ABL2: variants seen among roughly 807,000 people sequenced by gnomAD.
The protein encoded by ABL2 is ABL proto-oncogene 2, non-receptor tyrosine kinase.
In ABL2, 49 loss-of-function variants were observed where a neutral mutation model predicts 107.7. The observed-to-expected ratio is 0.45, with a 90% CI of 0.36 to 0.58. ABL2 has a LOEUF of 0.58. Among genes scored for constraint, ABL2 ranks in the 20% least tolerant of loss-of-function variants. The pLI is 0.00. For synonymous variants in ABL2, 549 were observed against 548.6 expected (o/e 1.00, Z -0.01); for missense variants, 1,245 against 1,457.0 (o/e 0.85, Z 2.37).
chr1:179,172,266 T>C (rs1376518015), intron 1 of ABL2, among the ~76,000 whole-genome samples: 1 of 152,240 alleles, frequency 6.6e-6, no homozygotes, highest in Non-Finnish European at 1.5e-5. Context: ...CCTCCTTTAC[T>C]GATCTCTTGC....
intron 4 of ABL2, among the ~76,000 whole-genome samples, chr1:179,125,440 T>C (rs1655642538): frequency 6.6e-6 from 1 of 152,234 alleles, no homozygotes; most frequent in Admixed American, 6.5e-5. Context: ...TATACATGTC[T>C]TCTGGCACAC....
chr1:179,126,724 C>A lies in ABL2; in HGVS notation c.392-52G>T. 1 of 1,488,512 alleles carries A rather than the reference C, an allele frequency of 6.7e-7. No homozygotes were observed. The highest frequency in any genetic ancestry group is 9.2e-7 in the Non-Finnish European group (1 of 1,090,650). The allele number at this position is 1,488,512 out of a possible 1,614,324, so 92.2% of individuals were successfully genotyped here. On this transcript the variant is annotated intron_variant, in intron 3 of 11. Coordinates refer to ENST00000502732, the MANE Select transcript of ABL2 (RefSeq NM_007314.4). The surrounding 1 kb of genome is among the most constrained non-coding windows in gnomAD (Gnocchi z 4.4). ...AAGAAACGATGTTAAGACTTTATTTCAACTGAAGCAGTGTACTGTCAAACT... is the reference window on the plus strand; with the variant it reads ...AAGAAACGATGTTAAGACTTTATTTAAACTGAAGCAGTGTACTGTCAAACT...
At chr1:179,210,879 A>T (rs1414505119) in intron 1 of ABL2, among the ~76,000 whole-genome samples, 2 of 151,978 alleles carry the variant, frequency 1.3e-5, no homozygotes, top group Non-Finnish European at 2.9e-5. Flanking sequence ...ATAAATAAAA[A>T]TAAAAATATT....
chr1:179,108,260 T>C lies in ABL2; in HGVS notation c.3007A>G (p.Thr1003Ala), dbSNP rs758701115. ...LQHPSICSDPTEEPTALTAGQ... is the reference protein window; with the variant it reads ...LQHPSICSDPAEEPTALTAGQ... ...GCAGTTAGGGCAGTTGGCTCTTCTG[T>C]AGGGTCTGAGCAGATGGACGGATGC... Residue 1003 changes from threonine (T) to alanine (A), a missense_variant, in exon 12 of 12, where the codon ACA becomes GCA. By Grantham distance (58) the Thr-to-Ala change is moderately conservative. This residue lies in a region of ABL2 where 761 missense variants were observed against 766.4 expected (regional missense o/e 0.99). Transcript: ENST00000502732. 6.8e-6 allele frequency: 11 copies of C among 1,613,728 alleles called. No individual in the cohort carries two copies. The highest frequency in any genetic ancestry group is 9.3e-6 in the Non-Finnish European group (11 of 1,179,954).
chr1:179,182,491 TTAAAG>T (rs1450054438), intron 1 of ABL2, among the ~76,000 whole-genome samples: 4 of 152,192 alleles, frequency 2.6e-5, no homozygotes, highest in Non-Finnish European at 4.4e-5. Context: ...GCTTAGAAAA[TTAAAG>T]TAATCAGAGA....
At chr1:179,136,668 CA>C (rs1657023521) in intron 1 of ABL2, among the ~76,000 whole-genome samples, 1 of 148,078 alleles carries the variant, frequency 6.8e-6, no homozygotes, top group African/African-American at 2.5e-5. Flanking sequence ...GTGACCCTGC[CA>C]AATCCCCCTC....
chr1:179,132,201 T>C (rs907776125), intron 2 of ABL2, among the ~76,000 whole-genome samples: 2 of 152,356 alleles, frequency 1.3e-5, no homozygotes, highest in Admixed American at 6.5e-5. Flanking sequence ...AATAACTTAA[T>C]TGAAGAGCCT....
intron 1 of ABL2, among the ~76,000 whole-genome samples, chr1:179,154,642 G>A (rs763634649): frequency 3.3e-5 from 5 of 152,200 alleles, no homozygotes; most frequent in African/African-American, 4.8e-5. Flanking sequence ...TTAGTACCAT[G>A]TGCAGATTTC....
intron 1 of ABL2, among the ~76,000 whole-genome samples, chr1:179,204,167 C>G (rs1424363160): frequency 6.6e-6 from 1 of 152,008 alleles, no homozygotes; most frequent in Non-Finnish European, 1.5e-5. Flanking sequence ...GCTGGGATTA[C>G]AGGTGGGCGC....
chr1:179,125,863 TA>T (rs1655679132), intron 4 of ABL2, among the ~76,000 whole-genome samples: 2 of 152,254 alleles, frequency 1.3e-5, no homozygotes, highest in Admixed American at 1.3e-4. Context: ...TTATAATGTG[TA>T]AACACACTGT....
rs753790930 is a variant in ABL2 at position 179,126,662 on chromosome 1, T to C, written c.402A>G (p.Leu134=). ...CATTCTGGTTGTAACCAAGGACTCGTAGCTTTTCACCTAGCCATAAGGTCA... is the reference window on the plus strand; with the variant it reads ...CATTCTGGTTGTAACCAAGGACTCGCAGCTTTTCACCTAGCCATAAGGTCA... The part of the protein sequence containing the change: ...NTLSITKGEK[L]RVLGYNQNGE... The change falls in exon 4 of 12, where the codon CTA becomes CTG. Residue 134 remains leucine, a synonymous_variant. Transcript: ENST00000502732. This position sits in a 1 kb window ranked among gnomAD's most constrained non-coding sequence, Gnocchi z 4.4. The C allele has an allele frequency of 1.1e-5, 18 of 1,612,062 alleles. No homozygotes were observed. Among genetic ancestry groups the C allele is most frequent in the Non-Finnish European group, 1.4e-5 (17 of 1,178,470 alleles).
intron 1 of ABL2, among the ~76,000 whole-genome samples, chr1:179,213,251 G>A (rs1662387222): frequency 6.6e-6 from 1 of 151,688 alleles, no homozygotes; most frequent in Admixed American, 6.6e-5. Context: ...GAAACATAAT[G>A]TGTATTTTAT....
intron 1 of ABL2, among the ~76,000 whole-genome samples, chr1:179,224,977 G>A (rs566498447): frequency 2.0e-5 from 3 of 152,186 alleles, no homozygotes; most frequent in East Asian, 3.9e-4. Flanking sequence ...AGCGATCTAC[G>A]ATCGCAGCAC....
At chr1:179,157,981 G>C (rs1319322305) in intron 1 of ABL2, among the ~76,000 whole-genome samples, 1 of 152,202 alleles carries the variant, frequency 6.6e-6, no homozygotes, top group East Asian at 1.9e-4. Context: ...CGAAAGAATG[G>C]TTCATTTCCA....
At chr1:179,132,571 CTT>C (rs1228613695) in intron 2 of ABL2, among the ~76,000 whole-genome samples, 2 of 151,758 alleles carry the variant, frequency 1.3e-5, no homozygotes, top group African/African-American at 4.8e-5. Context: ...GAGTTTCGCT[CTT>C]GTTGCCCAGG....
chr1:179,224,198 C>A (rs1246995088), intron 1 of ABL2, among the ~76,000 whole-genome samples: 1 of 142,942 alleles, frequency 7.0e-6, no homozygotes, highest in African/African-American at 2.6e-5. Flanking sequence ...TAAATCAGAT[C>A]ACTTAAAATA....
At chr1:179,150,050 A>G (rs1189006442) in intron 1 of ABL2, among the ~76,000 whole-genome samples, 1 of 152,092 alleles carries the variant, frequency 6.6e-6, no homozygotes, top group Non-Finnish European at 1.5e-5. Flanking sequence ...TGGGCAACAT[A>G]GTGAGACCCC....
intron 1 of ABL2, among the ~76,000 whole-genome samples, chr1:179,226,762 A>C (rs1004405765): frequency 1.3e-5 from 2 of 152,218 alleles, no homozygotes; most frequent in African/African-American, 2.4e-5. Context: ...CAAAAAGTTA[A>C]ATAACTTGTC....
At chr1:179,199,569 T>C (rs1460692190) in intron 1 of ABL2, among the ~76,000 whole-genome samples, 1 of 152,282 alleles carries the variant, frequency 6.6e-6, no homozygotes, top group Non-Finnish European at 1.5e-5. Flanking sequence ...ATGAAAGATA[T>C]AGTGGTAGAA....
Sources: gnomAD v4.1 joint callset for allele counts (sites outside exome capture counted in the v4.1 genomes callset) on GRCh38, gnomAD v4.1.1 for gene constraint, gnomAD v4.1.1 regional missense constraint, Gnocchi (gnomAD v3.1) non-coding constraint, MANE v1.5 for transcripts, NCBI Gene and HGNC (gene_info 2026-07-23, HGNC 2026-07-21) for gene names.